The following STAC3 variants were observed in gnomAD, a reference collection of about 807,000 sequenced individuals.
The protein encoded by STAC3 is SH3 and cysteine-rich domain-containing protein 3.
STAC3 carries 30 observed loss-of-function variants against 48.5 expected under a neutral mutation model. The observed-to-expected ratio is 0.62, with a 90% CI of 0.46 to 0.84. The LOEUF is 0.84. Among genes scored for constraint, STAC3 ranks in the 40% least tolerant of loss-of-function variants. The probability of loss-of-function intolerance (pLI) is 0.00; values close to 1 mark genes in which losing one functional copy is unlikely to be tolerated. For synonymous variants in STAC3, 144 were observed against 158.6 expected (o/e 0.91, Z 0.69); for missense variants, 419 against 462.6 (o/e 0.91, Z 0.86).
At chr12:57,249,947 G>A (rs559361264) in intron 1 of STAC3, among the ~76,000 whole-genome samples, 1 of 152,268 alleles carries the variant, frequency 6.6e-6, no homozygotes, top group South Asian at 2.1e-4. Context: ...ACATGGTCTT[G>A]CTTTGTTGCC....
chr12:57,248,317 A>G, intron 4 of STAC3, 119 bp from the exon 5 acceptor site: 1 of 852,354 alleles, frequency 1.2e-6, no homozygotes, highest in Non-Finnish European at 2.0e-6. Context: ...GAAAAAGCAG[A>G]GAAATGAATG....
intron 9 of STAC3, 69 bp from the exon 10 acceptor site, chr12:57,244,435 T>C: frequency 6.2e-7 from 1 of 1,612,842 alleles, no homozygotes; most frequent in Non-Finnish European, 8.5e-7. Flanking sequence ...CCAGCATCAA[T>C]AGGCTCCAAG....
chr12:57,243,983 G>A (rs2037669220), intron 11 of STAC3, 73 bp from the exon 12 acceptor site: 2 of 1,605,236 alleles, frequency 1.2e-6, no homozygotes, highest in Admixed American at 1.7e-5. Context: ...GGGGAGCCGG[G>A]GTTTACAGGG....
At chr12:57,244,472 T>C (rs1212517168) in intron 9 of STAC3, 65 bp downstream of exon 9, 1 of 1,612,388 alleles carries the variant, frequency 6.2e-7, no homozygotes, top group African/African-American at 1.3e-5. Context: ...TTCCTTTCCC[T>C]TGGGGGAACC....
At chr12:57,244,501 T>C (rs778709129) in intron 9 of STAC3, 36 bp downstream of exon 9, 1 of 1,613,536 alleles carries the variant, frequency 6.2e-7, no homozygotes, top group South Asian at 1.1e-5. Context: ...TCCTCTTCAC[T>C]CCGCAGTACC....
At chr12:57,244,820 A>T (rs1484539718) in intron 8 of STAC3, 96 bp downstream of exon 8, 1 of 1,471,420 alleles carries the variant, frequency 6.8e-7, no homozygotes, top group Non-Finnish European at 9.5e-7. Context: ...GAAGCCTAGG[A>T]GTTAAAGAGT....
At position 57,244,910 on chromosome 12, in the gene STAC3, T is replaced by C. The variant is rs375395653; in HGVS notation, c.720+6A>G. 3.1e-6 allele frequency: 5 copies of C among 1,614,126 alleles called. No individual in the cohort carries two copies. The African/African-American group carries it at 6.7e-5, about 22-fold the overall frequency. ...TGGGTTCCTTGCAGGGAGGAAGGATTCTTACCTTGTCATCAGGTGTCTTCT... is the reference window on the plus strand; with the variant it reads ...TGGGTTCCTTGCAGGGAGGAAGGATCCTTACCTTGTCATCAGGTGTCTTCT... On this transcript the variant is annotated splice_donor_region_variant and intron_variant, in intron 8 of 11. Transcript: ENST00000332782.
intron 3 of STAC3, 45 bp from the exon 4 acceptor site, chr12:57,248,848 T>A: frequency 6.4e-7 from 1 of 1,567,576 alleles, no homozygotes; most frequent in Middle Eastern, 1.7e-4. Context: ...CAGATTGCCC[T>A]TTCCCTTTGT....
Position 57,244,204 on chromosome 12 carries a change from C to A in STAC3, c.880G>T (p.Gly294Ter). The A allele has an allele frequency of 6.2e-7, 1 of 1,614,166 alleles. No homozygotes were observed. The highest frequency in any genetic ancestry group is 8.5e-7 in the Non-Finnish European group (1 of 1,180,034). ...WWRGKIGEKV[G>*]FFPPNFIIRV... ...ATGATGAAGTTTGGAGGGAAAAATC[C>A]GACCTTCTCCCCGATTTTCCCCTAG... Residue 294 changes from glycine to a stop codon, truncating the protein, a stop_gained, in exon 11 of 12, where the codon GGA becomes TGA. Transcript: ENST00000332782. LOFTEE classifies it high-confidence loss of function.
intron 3 of STAC3, 97 bp from the exon 4 acceptor site, chr12:57,248,900 C>G: frequency 1.3e-6 from 2 of 1,526,098 alleles, no homozygotes; most frequent in Non-Finnish European, 1.8e-6. Flanking sequence ...TGTCTGGGAC[C>G]CTACTTGCTC....
At chr12:57,244,742 A>C in intron 8 of STAC3, 120 bp from the exon 9 acceptor site, 1 of 1,418,956 alleles carries the variant, frequency 7.0e-7, no homozygotes, top group Middle Eastern at 1.8e-4. Context: ...AGGTCCCTGA[A>C]CTGAGAGAAG....
intron 11 of STAC3, 41 bp downstream of exon 11, chr12:57,244,047 G>A: frequency 1.2e-6 from 2 of 1,613,728 alleles, no homozygotes; most frequent in Non-Finnish European, 1.7e-6. Context: ...GGTGGGCTAG[G>A]GAGCATTCAG....
chr12:57,244,574 G>T lies in STAC3; in HGVS notation c.769C>A (p.Arg257=), dbSNP rs771322564. ...QQSHYFVALY[R]FKALEKDDLD... ...TCGTCCTTCTCCAGGGCTTTGAACC[G>T]ATAGAGAGCCACAAAGTAATGAGAC... The change falls in exon 9 of 12, where the codon CGG becomes AGG. Residue 257 remains arginine (R), a synonymous_variant. Coordinates refer to ENST00000332782, the MANE Select transcript of STAC3 (RefSeq NM_145064.3). 3 of 1,614,194 alleles carry T rather than the reference G, an allele frequency of 1.9e-6. No individual in the cohort carries two copies. The highest frequency in any genetic ancestry group is 2.5e-6 in the Non-Finnish European group (3 of 1,180,032).
intron 2 of STAC3, 91 bp downstream of exon 2, chr12:57,249,480 T>A (rs2037848251): frequency 3.2e-6 from 5 of 1,547,168 alleles, no homozygotes; most frequent in Non-Finnish European, 4.4e-6. Flanking sequence ...AAAAAATGAG[T>A]CACACACAAA....
At chr12:57,250,474 T>G (rs988660060) in intron 1 of STAC3, among the ~76,000 whole-genome samples, 2 of 146,058 alleles carry the variant, frequency 1.4e-5, no homozygotes, top group Admixed American at 1.4e-4. Flanking sequence ...CATCCTTCCA[T>G]CCTGAGGGGC....
chr12:57,246,499 C>T (rs2037745120), intron 6 of STAC3, among the ~76,000 whole-genome samples: 1 of 151,860 alleles, frequency 6.6e-6, no homozygotes, highest in South Asian at 2.1e-4. Flanking sequence ...CCTCAGCCTC[C>T]CAAGTAGCTG....
intron 4 of STAC3, among the ~76,000 whole-genome samples, 154 bp downstream of exon 4, chr12:57,248,552 G>A (rs771596483): frequency 5.9e-5 from 9 of 152,108 alleles, no homozygotes; most frequent in South Asian, 4.2e-4. Flanking sequence ...CTAATTTTTT[G>A]TATTTAGAGA....
chr12:57,248,753 C>A lies in STAC3; in HGVS notation c.385G>T (p.Glu129Ter). The A allele has an allele frequency of 6.2e-7, 1 of 1,614,078 alleles. No homozygotes were observed. The highest frequency in any genetic ancestry group is 1.1e-5 in the South Asian group (1 of 91,056). Residue 129 changes from glutamate (E) to a stop codon, truncating the protein, a stop_gained, in exon 4 of 12, where the codon GAA (glutamate) becomes TAA (stop). Coordinates refer to ENST00000332782, the MANE Select transcript of STAC3 (RefSeq NM_145064.3). LOFTEE classifies it high-confidence loss of function. Reference sequence around the variant, plus strand: ...ATTTCCACATAGGACTGACAGTGTTCATGGATGTTGGTTTTGCAGTTCTTA... The same window carrying A: ...ATTTCCACATAGGACTGACAGTGTTAATGGATGTTGGTTTTGCAGTTCTTA... ...RCKNCKTNIH[E>*]HCQSYVEMQR... is the part of the protein sequence containing the mutation.
intron 1 of STAC3, among the ~76,000 whole-genome samples, chr12:57,250,737 G>A (rs1362505703): frequency 6.6e-6 from 1 of 152,092 alleles, no homozygotes; most frequent in Non-Finnish European, 1.5e-5. Flanking sequence ...GTCCCAGCCT[G>A]CCTCAGGGCT....
Sources: allele counts gnomAD v4.1 joint callset (sites outside exome capture counted in the v4.1 genomes callset), GRCh38; gene constraint gnomAD v4.1.1; transcripts MANE v1.5; gene names NCBI Gene and HGNC (gene_info 2026-07-23, HGNC 2026-07-21).